Variants in CBL observed in about 807,000 individuals in gnomAD.
The protein encoded by CBL is E3 ubiquitin-protein ligase CBL.
CBL carries 45 observed loss-of-function variants against 96.9 expected under a neutral mutation model. The observed-to-expected ratio is 0.46, with a 90% confidence interval of 0.37 to 0.60. The LOEUF is 0.60. Among genes scored for constraint, CBL ranks in the 20% least tolerant of loss-of-function variants. CBL has a pLI of 0.00. For missense variants in CBL, 1,024 were observed against 1,143.5 expected, an observed-to-expected ratio of 0.90 and a Z score of 1.51; for synonymous variants, 420 against 426.8, an observed-to-expected ratio of 0.98 and a Z score of 0.20.
chr11:119,270,109 T>C (rs1321561160), intron 2 of CBL, among the ~76,000 whole-genome samples: 1 of 152,146 alleles, frequency 6.6e-6, no homozygotes, highest in Non-Finnish European at 1.5e-5. Context: ...GCTTGTTTAG[T>C]GTAATAGTAT....
Position 119,303,259 on chromosome 11 carries a change from C to T in CBL, c.*3478C>T, listed in dbSNP as rs1471726665. On this transcript the variant is annotated 3_prime_UTR_variant, in exon 16 of 16. Transcript: ENST00000264033. ...TTAAAGTCAGAAGATTATAGACCTT[C>T]TCAAACTATAAGTCCCTCTTCTTGC... 2 of 232,462 alleles carry T rather than the reference C, an allele frequency of 8.6e-6. No homozygotes were observed. The highest frequency in any genetic ancestry group is 2.2e-5 in the African/African-American group (1 of 45,312). The allele number at this position is 232,462 out of a possible 1,614,324, so 14.4% of individuals were successfully genotyped here. A position where few individuals can be genotyped will look rare whatever the true frequency, so the allele number is the denominator to read the frequency against.
chr11:119,285,647 G>A, intron 11 of CBL, 81 bp downstream of exon 11: 4 of 1,518,268 alleles, frequency 2.6e-6, no homozygotes, highest in Non-Finnish European at 2.7e-6. Flanking sequence ...TGTAATCCCA[G>A]CAATTTGGGA....
At chr11:119,267,936 G>A (rs1438599344) in intron 2 of CBL, among the ~76,000 whole-genome samples, 1 of 152,156 alleles carries the variant, frequency 6.6e-6, no homozygotes, top group East Asian at 1.9e-4. Context: ...TGTCTAGCTG[G>A]CTCCTAAAGA....
Position 119,306,561 on chromosome 11 carries a change from C to T in CBL, c.*6780C>T, listed in dbSNP as rs1430717873. ...TGTCCTGGGTGCCTGTGTGTCAGCT[C>T]CCTCCTCTCTACCTACCTCTGACCT... On this transcript the variant is annotated 3_prime_UTR_variant, in exon 16 of 16. Coordinates refer to ENST00000264033, the MANE Select transcript of CBL (RefSeq NM_005188.4). 4 of 393,476 alleles carry T rather than the reference C, an allele frequency of 1.0e-5. No homozygotes were observed. Among genetic ancestry groups the T allele is most frequent in the African/African-American group, 6.2e-5 (3 of 48,536 alleles). 24.4% of individuals were successfully genotyped at this position (393,476 alleles called of 1,614,324 possible).
chr11:119,206,748 C>G (rs1359099880), intron 1 of CBL, 136 bp downstream of exon 1: 11 of 186,120 alleles, frequency 5.9e-5, no homozygotes, highest in Middle Eastern at 2.8e-3. Flanking sequence ...CCGGGGTGAC[C>G]GGCCGGGGGC....
At chr11:119,215,944 G>A (rs951315351) in intron 1 of CBL, among the ~76,000 whole-genome samples, 1 of 152,248 alleles carries the variant, frequency 6.6e-6, no homozygotes, top group Non-Finnish European at 1.5e-5. Flanking sequence ...GCACCTGGAA[G>A]CCAGCGTCAG....
At chr11:119,274,400 T>C (rs1311624334) in intron 4 of CBL, among the ~76,000 whole-genome samples, 1 of 152,240 alleles carries the variant, frequency 6.6e-6, no homozygotes, top group African/African-American at 2.4e-5. Context: ...TGAAATTGAC[T>C]GTTAATATTG....
At chr11:119,209,797 A>T (rs1226968353) in intron 1 of CBL, among the ~76,000 whole-genome samples, 1 of 152,112 alleles carries the variant, frequency 6.6e-6, no homozygotes, top group Admixed American at 6.5e-5. Flanking sequence ...CCAATATTGG[A>T]TATATACAGA....
chr11:119,206,624 G>C lies in CBL; in HGVS notation c.195+12G>C, dbSNP rs1040283004. The C allele has an allele frequency of 1.7e-5, 26 of 1,545,848 alleles. 2 individuals carry two copies. The Admixed American group carries it at 5.1e-4, about 30-fold the overall frequency. On this transcript the variant is annotated intron_variant, in intron 1 of 15. Coordinates refer to ENST00000264033, the MANE Select transcript of CBL (RefSeq NM_005188.4). The stretch of plus-strand genomic sequence containing the variant: ...AGCTCATGGACAAGGTGAAAGGCCG[G>C]CTGAGCGCCCGCTGTTGCAGGGTGG...
intron 2 of CBL, among the ~76,000 whole-genome samples, chr11:119,237,692 A>G (rs1949555716): frequency 6.6e-6 from 1 of 152,334 alleles, no homozygotes; most frequent in South Asian, 2.1e-4. Context: ...TAAGTTGACC[A>G]TAAGTGTAAG....
chr11:119,299,396 A>C, intron 15 of CBL, 99 bp from the exon 16 acceptor site: 3 of 1,126,848 alleles, frequency 2.7e-6, no homozygotes, highest in Non-Finnish European at 4.0e-6. Context: ...CCCAGTTTAC[A>C]GGAAGTCAGT....
intron 2 of CBL, among the ~76,000 whole-genome samples, 188 bp from the exon 3 acceptor site, chr11:119,271,547 C>T (rs1332881202): frequency 2.0e-5 from 3 of 152,148 alleles, no homozygotes; most frequent in Non-Finnish European, 2.9e-5. Flanking sequence ...TCCTCAACAG[C>T]GCATTTCTTT....
chr11:119,295,292 T>C (rs1340355792), intron 12 of CBL, among the ~76,000 whole-genome samples: 1 of 152,060 alleles, frequency 6.6e-6, no homozygotes. Flanking sequence ...AGACCAAGAG[T>C]ATGCATGTTT....
intron 2 of CBL, among the ~76,000 whole-genome samples, chr11:119,264,377 CTTTCTTTTCT>C (rs1281750272): frequency 8.7e-5 from 10 of 115,428 alleles, no homozygotes; most frequent in African/African-American, 2.9e-4. Flanking sequence ...TTATTATGAT[CTTTCTTTTCT>C]TTTCTCTTCT....
intron 2 of CBL, among the ~76,000 whole-genome samples, chr11:119,250,073 T>C (rs764023158): frequency 6.6e-6 from 1 of 152,190 alleles, no homozygotes; most frequent in Non-Finnish European, 1.5e-5. Context: ...AATTTTTGAG[T>C]GGATGCCAGA....
chr11:119,305,924 G>C lies in CBL; in HGVS notation c.*6143G>C, dbSNP rs1284275315. The C allele has an allele frequency of 3.8e-6, 1 of 263,326 alleles. No individual in the cohort carries two copies. The highest frequency in any genetic ancestry group is 7.2e-6 in the Non-Finnish European group (1 of 139,024). The allele number at this position is 263,326 out of a possible 1,614,324, so 16.3% of individuals were successfully genotyped here. ...CACAGAAGTTACCTAATAATCCAAA[G>C]ATGTCCATCAAGGGAGGAAGGGTGG... On this transcript the variant is annotated 3_prime_UTR_variant, in exon 16 of 16. Transcript: ENST00000264033.
chr11:119,242,599 A>C (rs1949595306), intron 2 of CBL, among the ~76,000 whole-genome samples: 1 of 151,374 alleles, frequency 6.6e-6, no homozygotes, highest in African/African-American at 2.4e-5. Context: ...CTGTCTCTAC[A>C]AAAAATTTAA....
chr11:119,306,306 A>G lies in CBL; in HGVS notation c.*6525A>G. 1 of 398,546 alleles carries G rather than the reference A, an allele frequency of 2.5e-6. No individual in the cohort carries two copies. The highest frequency in any genetic ancestry group is 3.6e-5 in the East Asian group (1 of 28,074). The allele number at this position is 398,546 out of a possible 1,614,324, so 24.7% of individuals were successfully genotyped here. A position where few individuals can be genotyped will look rare whatever the true frequency, so the allele number is the denominator to read the frequency against. ...TGTACAGAGCAAAGCCCAAAAGCCAACCTCAGATCTCCTGATTTGGCAGCT... is the reference window on the plus strand; with the variant it reads ...TGTACAGAGCAAAGCCCAAAAGCCAGCCTCAGATCTCCTGATTTGGCAGCT... On this transcript the variant is annotated 3_prime_UTR_variant, in exon 16 of 16. Transcript: ENST00000264033.
At chr11:119,212,972 CAAAAAAAAAGA>C (rs1446523064) in intron 1 of CBL, among the ~76,000 whole-genome samples, 1 of 109,060 alleles carries the variant, frequency 9.2e-6, no homozygotes, top group East Asian at 2.6e-4. Flanking sequence ...AACTCCGTCT[CAAAAAAAAAGA>C]AAAAAAAAAA....
Sources: allele counts gnomAD v4.1 joint callset (sites outside exome capture counted in the v4.1 genomes callset), GRCh38; gene constraint gnomAD v4.1.1; transcripts MANE v1.5; gene names NCBI Gene and HGNC (gene_info 2026-07-23, HGNC 2026-07-21).